CDH4: variants seen among roughly 807,000 people sequenced by gnomAD.
CDH4 encodes the protein cadherin-4.
A neutral mutation model predicts 86.0 loss-of-function variants in CDH4; 33 were observed. The ratio of observed to expected loss-of-function variants is 0.38; its 90% CI spans 0.29 to 0.51. The LOEUF (loss-of-function observed/expected upper bound fraction) is 0.51, where lower values mean the gene tolerates loss of function less well. CDH4 is among the 20% of genes least tolerant of loss of function. The probability of loss-of-function intolerance (pLI) is 0.86; values close to 1 mark genes in which losing one functional copy is unlikely to be tolerated. For synonymous variants in CDH4, 555 were observed against 549.4 expected, an observed-to-expected ratio of 1.01 and a Z score of -0.14; for missense variants, 1,114 against 1,307.4, an observed-to-expected ratio of 0.85 and a Z score of 2.28.
At chr20:61,936,634 C>A in intron 15 of CDH4, 103 bp from the exon 16 acceptor site, 1 of 907,600 alleles carries the variant, frequency 1.1e-6, no homozygotes, top group Non-Finnish European at 1.6e-6. Flanking sequence ...TATGCAACGT[C>A]CTACCTCCCT....
chr20:61,693,884 CTTTTTTTTTT>C (rs11479778), intron 2 of CDH4, among the ~76,000 whole-genome samples: 1 of 82,700 alleles, frequency 1.2e-5, no homozygotes, highest in Non-Finnish European at 2.2e-5. Context: ...CTCTTTCTTT[CTTTTTTTTTT>C]TTTTTTTTTT....
chr20:61,414,214 C>T (rs1033380447), intron 2 of CDH4, among the ~76,000 whole-genome samples: 13 of 152,258 alleles, frequency 8.5e-5, no homozygotes, highest in East Asian at 1.9e-4. Context: ...GCAGGTTAGC[C>T]GGCTTGATGT....
intron 4 of CDH4, among the ~76,000 whole-genome samples, chr20:61,785,786 G>C (rs1001203440): frequency 6.6e-6 from 1 of 152,190 alleles, no homozygotes; most frequent in African/African-American, 2.4e-5. Flanking sequence ...GGCCAGCTTA[G>C]CCACTTAGCC....
chr20:61,755,734 A>T (rs2088556941), intron 3 of CDH4, among the ~76,000 whole-genome samples: 1 of 148,726 alleles, frequency 6.7e-6, no homozygotes, highest in Non-Finnish European at 1.5e-5. Context: ...GACATACCAC[A>T]TACACTGCAC....
At chr20:61,305,193 G>A (rs2084409925) in intron 2 of CDH4, among the ~76,000 whole-genome samples, 2 of 152,056 alleles carry the variant, frequency 1.3e-5, no homozygotes, top group East Asian at 1.9e-4. Flanking sequence ...TGTGTGTTTC[G>A]GTGGATCTAT....
intron 2 of CDH4, among the ~76,000 whole-genome samples, chr20:61,507,292 A>C (rs1283293774): frequency 2.6e-5 from 4 of 152,246 alleles, no homozygotes; most frequent in African/African-American, 9.6e-5. Flanking sequence ...CATCTTGATT[A>C]TAATAACCGT....
At chr20:61,816,570 C>A (rs1207629613) in intron 4 of CDH4, among the ~76,000 whole-genome samples, 1 of 152,140 alleles carries the variant, frequency 6.6e-6, no homozygotes, top group African/African-American at 2.4e-5. Context: ...CTGCTTGAGC[C>A]GAAATACGCT....
rs187941017 is a variant in CDH4 at position 61,438,926 on chromosome 20, A to C, written c.169+183989A>C. ...AGTAAAAATTAGCTAAAAAAAAAAA[A>C]CCAAAAACCTTAACTTACCTAAAAA... On this transcript the variant is annotated intron_variant, in intron 2 of 15. Coordinates refer to ENST00000614565, the MANE Select transcript of CDH4 (RefSeq NM_001794.5). Among the ~76,000 whole-genome samples, 374 of 151,818 alleles carry C rather than the reference A, an allele frequency of 2.5e-3. 3 individuals are homozygous for C. The highest frequency in any genetic ancestry group is 8.6e-3 in the African/African-American group (356 of 41,402).
chr20:61,821,746 A>G (rs1981055241), intron 4 of CDH4, among the ~76,000 whole-genome samples: 1 of 152,262 alleles, frequency 6.6e-6, no homozygotes, highest in South Asian at 2.1e-4. Flanking sequence ...GGGAAAAGCA[A>G]AGGAAAAAAT....
intron 2 of CDH4, among the ~76,000 whole-genome samples, chr20:61,439,383 G>T (rs1462246908): frequency 6.6e-6 from 1 of 152,194 alleles, no homozygotes; most frequent in Non-Finnish European, 1.5e-5. Flanking sequence ...GGCCTGTCCG[G>T]ACTTGGAGTT....
At chr20:61,551,047 T>C (rs2086125723) in intron 2 of CDH4, among the ~76,000 whole-genome samples, 2 of 152,226 alleles carry the variant, frequency 1.3e-5, no homozygotes, top group Non-Finnish European at 2.9e-5. Flanking sequence ...ATTTAATCTT[T>C]AAATTCAGTT....
At chr20:61,691,256 TGTGTGTGCAA>T (rs2087649269) in intron 2 of CDH4, among the ~76,000 whole-genome samples, 1 of 152,110 alleles carries the variant, frequency 6.6e-6, no homozygotes, top group Admixed American at 6.5e-5. Flanking sequence ...GAATTCAGTG[TGTGTGTGCAA>T]GTGTGTGTAT....
intron 2 of CDH4, among the ~76,000 whole-genome samples, chr20:61,671,139 G>T (rs540739029): frequency 6.6e-6 from 1 of 150,984 alleles, no homozygotes; most frequent in East Asian, 1.9e-4. Flanking sequence ...ATGCATGATG[G>T]TTGGGTGGAT....
At chr20:61,636,585 G>A (rs540759815) in intron 2 of CDH4, among the ~76,000 whole-genome samples, 1 of 152,354 alleles carries the variant, frequency 6.6e-6, no homozygotes, top group South Asian at 2.1e-4. Context: ...GTGGCCTTTT[G>A]TCTATCTTTG....
chr20:61,297,310 C>T (rs1441652820), intron 2 of CDH4, among the ~76,000 whole-genome samples: 2 of 152,090 alleles, frequency 1.3e-5, no homozygotes, highest in South Asian at 2.1e-4. Context: ...CGCTTGAACC[C>T]GGGAGGCGGA....
Position 61,681,782 on chromosome 20 carries a change from G to T in CDH4, c.170-61781G>T, listed in dbSNP as rs1442883753. 6.6e-6 allele frequency among the ~76,000 whole-genome samples: 1 copy of T among 152,226 alleles called. No homozygotes were observed. Among genetic ancestry groups the T allele is most frequent in the East Asian group, 1.9e-4 (1 of 5,200 alleles). ...GTTGCTGTGTTCTCAGGCCCGTGCA[G>T]CTGACATTCCTTTGGCTTCCTGGTG... On this transcript the variant is annotated intron_variant, in intron 2 of 15. Transcript: ENST00000614565. The surrounding 1 kb of genome is among the most constrained non-coding windows in gnomAD (Gnocchi z 4.5).
intron 2 of CDH4, among the ~76,000 whole-genome samples, chr20:61,733,722 AAAAAG>A (rs921872524): frequency 2.8e-4 from 43 of 152,124 alleles, no homozygotes; most frequent in African/African-American, 7.0e-4. Flanking sequence ...AGAAAGAAAG[AAAAAG>A]AAAAGAAAAG....
At chr20:61,637,292 C>CA (rs1568726734) in intron 2 of CDH4, among the ~76,000 whole-genome samples, 1 of 152,176 alleles carries the variant, frequency 6.6e-6, no homozygotes, top group Admixed American at 6.5e-5. Context: ...TCTGTTTAAC[C>CA]GTTCTTAGGC....
intron 2 of CDH4, among the ~76,000 whole-genome samples, chr20:61,704,756 G>A (rs2087811832): frequency 6.6e-6 from 1 of 152,166 alleles, no homozygotes; most frequent in Non-Finnish European, 1.5e-5. Flanking sequence ...TCATCATCAT[G>A]GGCATTAAAT....
Sources: gnomAD v4.1 joint callset for allele counts (sites outside exome capture counted in the v4.1 genomes callset) on GRCh38, gnomAD v4.1.1 for gene constraint, Gnocchi (gnomAD v3.1) non-coding constraint, MANE v1.5 for transcripts, NCBI Gene and HGNC (gene_info 2026-07-23, HGNC 2026-07-21) for gene names.